The following NRTN variants were observed in gnomAD, a reference collection of about 807,000 sequenced individuals.
NRTN encodes the protein neurturin.
Under a neutral mutation model 7.5 loss-of-function variants are expected in NRTN, and 3 were observed. The observed-to-expected ratio is 0.40, with a 90% CI of 0.18 to 1.03. The LOEUF (loss-of-function observed/expected upper bound fraction) is 1.03. Among genes scored for constraint, NRTN ranks in the 50% least tolerant of loss-of-function variants. NRTN has a pLI of 0.34. For synonymous variants in NRTN, 157 were observed against 146.6 expected, an observed-to-expected ratio of 1.07 and a Z score of -0.51; for missense variants, 310 against 307.0, an observed-to-expected ratio of 1.01 and a Z score of -0.07.
chr19:5,813,484 C>T (rs2056996371), intron 1 of NRTN, among the ~76,000 whole-genome samples: 1 of 152,066 alleles, frequency 6.6e-6, no homozygotes, highest in Non-Finnish European at 1.5e-5. Flanking sequence ...CCAGTCTGGC[C>T]AACATGGTGG....
intron 2 of NRTN, 93 bp downstream of exon 2, chr19:5,824,427 GT>G (rs34182948): frequency 6.8e-7 from 1 of 1,473,038 alleles, no homozygotes; most frequent in South Asian, 1.2e-5. Context: ...GGTGTCATAG[GT>G]TTTTTAAAGA....
chr19:5,809,586 C>T (rs1427033537), intron 1 of NRTN, among the ~76,000 whole-genome samples: 1 of 152,098 alleles, frequency 6.6e-6, no homozygotes, highest in East Asian at 1.9e-4. Context: ...GGGAGGGGCC[C>T]AGGGTGGCCT....
chr19:5,821,890 C>T (rs2057025982), intron 1 of NRTN, among the ~76,000 whole-genome samples: 1 of 152,136 alleles, frequency 6.6e-6, no homozygotes, highest in Non-Finnish European at 1.5e-5. Flanking sequence ...GCTCCCAAGC[C>T]CAGCCCAGCC....
chr19:5,827,020 G>A (rs998159433), intron 2 of NRTN, among the ~76,000 whole-genome samples: 5 of 152,186 alleles, frequency 3.3e-5, no homozygotes, highest in African/African-American at 9.7e-5. Context: ...TCCATGGAGT[G>A]GGGTCCCCAC....
intron 1 of NRTN, among the ~76,000 whole-genome samples, chr19:5,820,639 G>A (rs574478517): frequency 6.8e-6 from 1 of 146,316 alleles, no homozygotes; most frequent in African/African-American, 2.5e-5. Flanking sequence ...TGAGGCAGGA[G>A]AATCGCTTGA....
chr19:5,815,472 C>T (rs1416147724), intron 1 of NRTN, among the ~76,000 whole-genome samples: 1 of 148,056 alleles, frequency 6.8e-6, no homozygotes, highest in Non-Finnish European at 1.5e-5. Flanking sequence ...CGGTCTGTCA[C>T]CCAGGCTGGA....
rs1178054349 is a variant in NRTN, at chr19:5,824,275, T to G, written c.110T>G (p.Leu37Arg). The change falls in exon 2 of 3, where the codon CTG becomes CGG. Residue 37 changes from leucine to arginine, a missense_variant. By Grantham distance (102) the Leu-to-Arg change is moderately radical. Coordinates refer to ENST00000303212, the MANE Select transcript of NRTN (RefSeq NM_004558.5). ...LLLSHRLGPA[L>R]VPLHRLPRTL... ...CTCAGCCACCGCCTCGGACCTGCGC[T>G]GGTCCCCCTGCACCGCCTGCCTCGA... 1 of 1,610,352 alleles carries G rather than the reference T, an allele frequency of 6.2e-7. No homozygotes were observed. Among genetic ancestry groups the G allele is most frequent in the Non-Finnish European group, 8.5e-7 (1 of 1,179,342 alleles).
chr19:5,811,956 G>A lies in NRTN; in HGVS notation c.-399+6505G>A, dbSNP rs192577555. On this transcript the variant is annotated intron_variant, in intron 1 of 2. Coordinates refer to ENST00000303212, the MANE Select transcript of NRTN (RefSeq NM_004558.5). ...GCGATCTTGGCCCACTGCAAGCTCCGCCTCTTGGGTTCACGCCATTCTCCT... is the reference window on the plus strand; with the variant it reads ...GCGATCTTGGCCCACTGCAAGCTCCACCTCTTGGGTTCACGCCATTCTCCT... 6.3e-4 allele frequency among the ~76,000 whole-genome samples: 96 copies of A among 151,758 alleles called. 2 individuals carry two copies. The East Asian group carries it at 0.017, about 27-fold the overall frequency.
At chr19:5,822,184 G>C (rs988325036) in intron 1 of NRTN, among the ~76,000 whole-genome samples, 1 of 152,122 alleles carries the variant, frequency 6.6e-6, no homozygotes, top group African/African-American at 2.4e-5. Context: ...AGGACACGAG[G>C]CGCGGTCCAT....
In NRTN at chr19:5,810,688, C is replaced by G. The variant is rs576935684; in HGVS notation, c.-399+5237C>G. Among the ~76,000 whole-genome samples the G allele has an allele frequency of 2.0e-5, 3 of 151,656 alleles. No homozygotes were observed. In the South Asian group the frequency reaches 6.3e-4, roughly 32 times the overall value. ...GTGGCTCGTGCCTGTAATCCCAGCA[C>G]TTTGGGAGGCCGAGGCGGGCGGATC... On this transcript the variant is annotated intron_variant, in intron 1 of 2. Coordinates refer to ENST00000303212, the MANE Select transcript of NRTN (RefSeq NM_004558.5).
intron 1 of NRTN, among the ~76,000 whole-genome samples, chr19:5,818,737 C>T (rs1283674340): frequency 6.6e-6 from 1 of 152,022 alleles, no homozygotes; most frequent in Non-Finnish European, 1.5e-5. Context: ...CACCCAGCCC[C>T]CTCCCCGTGC....
In NRTN at chr19:5,827,923, T is replaced by C. The variant is rs1229018057; in HGVS notation, c.344T>C (p.Leu115Pro). 1 of 1,468,792 alleles carries C rather than the reference T, an allele frequency of 6.8e-7. No homozygotes were observed. The highest frequency in any genetic ancestry group is 1.3e-5 in the South Asian group (1 of 74,952). 91.0% of individuals were successfully genotyped at this position (1,468,792 alleles called of 1,614,324 possible). ...GAGCTGGAGGTGCGCGTGAGCGAGC[T>C]GGGCCTGGGCTACGCGTCCGACGAG... ...LRELEVRVSELGLGYASDETV... is the reference protein window; with the variant it reads ...LRELEVRVSEPGLGYASDETV... Residue 115 changes from leucine (L) to proline (P), a missense_variant, in exon 3 of 3, where the codon CTG becomes CCG. Physicochemically the swap from Leu to Pro is moderately conservative, Grantham distance 98. Transcript: ENST00000303212.
intron 1 of NRTN, among the ~76,000 whole-genome samples, chr19:5,821,634 T>TTCAC (rs2057025121): frequency 6.7e-6 from 1 of 149,944 alleles, no homozygotes; most frequent in Admixed American, 6.7e-5. Flanking sequence ...CATTCATTCA[T>TTCAC]TCATTCATCA....
intron 1 of NRTN, among the ~76,000 whole-genome samples, chr19:5,812,076 T>G (rs1158783415): frequency 6.6e-6 from 1 of 151,276 alleles, no homozygotes; most frequent in Non-Finnish European, 1.5e-5. Context: ...TTTCACCATG[T>G]TATCCAAGAT....
In NRTN at chr19:5,828,038, C is replaced by A. The variant is rs1208414116; in HGVS notation, c.459C>A (p.Arg153=). ...LGLRRLRQRR[R]LRRERVRAQP... ...TGCGACGACTGCGCCAGCGGCGGCG[C>A]CTGCGGCGGGAGCGGGTGCGCGCGC... Residue 153 remains arginine (R), a synonymous_variant, in exon 3 of 3, where the codon CGC becomes CGA. Transcript: ENST00000303212. The A allele has an allele frequency of 4.2e-6, 6 of 1,417,870 alleles. No individual in the cohort carries two copies. Among genetic ancestry groups the A allele is most frequent in the Non-Finnish European group, 5.5e-6 (6 of 1,094,690 alleles). The allele number at this position is 1,417,870 out of a possible 1,614,324, so 87.8% of individuals were successfully genotyped here.
chr19:5,827,723 C>G (rs775932508), intron 2 of NRTN, 26 bp from the exon 3 acceptor site: 16 of 1,164,938 alleles, frequency 1.4e-5, no homozygotes, highest in East Asian at 3.6e-5. Context: ...ACTGACCCCC[C>G]CTCCTTTCTC....
chr19:5,812,916 C>T (rs535664780), intron 1 of NRTN, among the ~76,000 whole-genome samples: 62 of 152,258 alleles, frequency 4.1e-4, no homozygotes, highest in African/African-American at 1.4e-3. Flanking sequence ...ACATGTATGC[C>T]GCGGCGTTCA....
chr19:5,813,977 C>T (rs536705401), intron 1 of NRTN, among the ~76,000 whole-genome samples: 1 of 152,230 alleles, frequency 6.6e-6, no homozygotes, highest in African/African-American at 2.4e-5. Context: ...CATTGCGCTC[C>T]AGCCTGGGCA....
chr19:5,812,618 A>G (rs1205988156), intron 1 of NRTN, among the ~76,000 whole-genome samples: 4 of 151,984 alleles, frequency 2.6e-5, no homozygotes, highest in Non-Finnish European at 5.9e-5. Context: ...CATCCCTCCC[A>G]TGGGGTGGGC....
Sources: gnomAD v4.1 joint callset for allele counts (sites outside exome capture counted in the v4.1 genomes callset) on GRCh38, gnomAD v4.1.1 for gene constraint, MANE v1.5 for transcripts, NCBI Gene and HGNC (gene_info 2026-07-23, HGNC 2026-07-21) for gene names.